RB1: variants seen among roughly 807,000 people sequenced by gnomAD.
RB1 encodes the protein retinoblastoma-associated protein.
A neutral mutation model predicts 135.4 loss-of-function variants in RB1; 18 were observed. That is an observed-to-expected ratio of 0.13 (90% CI 0.09 to 0.20). The LOEUF (loss-of-function observed/expected upper bound fraction) is 0.20. RB1 is among the 10% of genes least tolerant of loss of function. The pLI is 1.00. For synonymous variants in RB1, 365 were observed against 373.2 expected (o/e 0.98, Z 0.25); for missense variants, 868 against 1,110.0 (o/e 0.78, Z 3.10).
Position 48,303,883 on chromosome 13 carries a change from G to C in RB1, c.-30G>C, listed in dbSNP as rs985825511. ...TCGTCCTCCCCGGCGCTCCTCCACA[G>C]CTCGCTGGCTCCCGCCGCGGAAAGG... On this transcript the variant is annotated 5_prime_UTR_variant, in exon 1 of 27. Transcript: ENST00000267163. 2 of 1,513,622 alleles carry C rather than the reference G, an allele frequency of 1.3e-6. No homozygotes were observed. Among genetic ancestry groups the C allele is most frequent in the African/African-American group, 2.9e-5 (2 of 69,568 alleles). The allele number at this position is 1,513,622 out of a possible 1,614,324, so 93.8% of individuals were successfully genotyped here.
In RB1 at chr13:48,465,219, A is replaced by T. The variant is rs1949432209; in HGVS notation, c.2340A>T (p.Ser780=). 6.2e-7 allele frequency: 1 copy of T among 1,614,030 alleles called. No individual in the cohort carries two copies. The highest frequency in any genetic ancestry group is 8.5e-7 in the Non-Finnish European group (1 of 1,179,950). Residue 780 remains serine, a synonymous_variant, in exon 23 of 27, where the codon TCA becomes TCT. Coordinates refer to ENST00000267163, the MANE Select transcript of RB1 (RefSeq NM_000321.3). ...QYASTRPPTL[S]PIPHIPRSPY... Reference sequence around the variant, plus strand: ...TTTTGCTCTAGCCCCCTACCTTGTCACCAATACCTCACATTCCTCGAAGCC... The same window carrying T: ...TTTTGCTCTAGCCCCCTACCTTGTCTCCAATACCTCACATTCCTCGAAGCC...
intron 18 of RB1, among the ~76,000 whole-genome samples, chr13:48,453,979 G>A (rs1949344960): frequency 6.6e-6 from 1 of 152,108 alleles, no homozygotes; most frequent in Non-Finnish European, 1.5e-5. Context: ...TTTCCTTTTG[G>A]CATAGTGAAT....
chr13:48,328,262 A>G (rs1041427218), intron 2 of RB1: 17 of 1,549,364 alleles, frequency 1.1e-5, no homozygotes, highest in African/African-American at 5.4e-5. Flanking sequence ...CTGATTCACT[A>G]TCTTCATCTT....
chr13:48,342,397 T>C (rs1166149215), intron 2 of RB1, among the ~76,000 whole-genome samples: 1 of 151,974 alleles, frequency 6.6e-6, no homozygotes, highest in Admixed American at 6.5e-5. Flanking sequence ...CCTTATAATA[T>C]AAAATTTGAA....
At chr13:48,310,802 C>T (rs138510797) in intron 2 of RB1, among the ~76,000 whole-genome samples, 1 of 152,116 alleles carries the variant, frequency 6.6e-6, no homozygotes, top group African/African-American at 2.4e-5. Flanking sequence ...ATATTAATCC[C>T]TTTAAAGGAA....
chr13:48,390,603 C>G lies in RB1; in HGVS notation c.1695+9160C>G, dbSNP rs537002308. Among the ~76,000 whole-genome samples the G allele has an allele frequency of 2.4e-4, 36 of 152,258 alleles. 3 individuals are homozygous for G. In the South Asian group the frequency reaches 6.6e-3, roughly 28 times the overall value. The stretch of plus-strand genomic sequence containing the variant: ...GGCTCACTTAAAAAAAAACTAATCT[C>G]TCTCTCAATACCTAATCTAATGTCT... On this transcript the variant is annotated intron_variant, in intron 17 of 26. Transcript: ENST00000267163.
intron 2 of RB1, among the ~76,000 whole-genome samples, chr13:48,338,942 A>G (rs988322854): frequency 1.3e-5 from 2 of 152,218 alleles, no homozygotes; most frequent in African/African-American, 2.4e-5. Context: ...GGTTGACTCC[A>G]GACCCTGTTT....
Position 48,303,788 on chromosome 13 carries a change from A to G in RB1, c.-125A>G. 8 of 1,390,418 alleles carry G rather than the reference A, an allele frequency of 5.8e-6. No homozygotes were observed. The highest frequency in any genetic ancestry group is 2.7e-5 in the Admixed American group (1 of 37,580). 86.1% of individuals were successfully genotyped at this position (1,390,418 alleles called of 1,614,324 possible). A position where few individuals can be genotyped will look rare whatever the true frequency, so the allele number is the denominator to read the frequency against. ...GGGGAGGGCGCGTCCGGTTTTTCTC[A>G]GGGGACGTTGAAATTATTTTTGTAA... is the stretch of plus-strand genomic sequence containing the variant. On this transcript the variant is annotated 5_prime_UTR_variant, in exon 1 of 27. Transcript: ENST00000267163.
At chr13:48,406,345 A>G (rs1018255207) in intron 17 of RB1, among the ~76,000 whole-genome samples, 1 of 152,220 alleles carries the variant, frequency 6.6e-6, no homozygotes, top group Admixed American at 6.5e-5. Context: ...TGACATTAAA[A>G]TATTCTTCTC....
At chr13:48,444,948 A>G (rs1949273778) in intron 17 of RB1, 1 of 151,938 alleles carries the variant, frequency 6.6e-6, no homozygotes, top group Non-Finnish European at 1.5e-5. Flanking sequence ...AGTTTTGCAT[A>G]ATATGAAGTT....
rs1317825599 is a variant in RB1 at position 48,379,574 on chromosome 13, TTC to T, written c.1333-18_1333-17del. 6.2e-7 allele frequency: 1 copy of T among 1,609,588 alleles called. No individual in the cohort carries two copies. Among genetic ancestry groups the T allele is most frequent in the East Asian group, 2.2e-5 (1 of 44,708 alleles). On this transcript the variant is annotated intron_variant, in intron 13 of 26. Coordinates refer to ENST00000267163, the MANE Select transcript of RB1 (RefSeq NM_000321.3). ...TTTCTAAAATAGCAGGCTCTTATTT[TTC>T]TTTTTGTTTGTTTGTAGCGATACAA...
rs146017569 is a variant in RB1, at chr13:48,411,539, C to A, written c.1695+30096C>A. On this transcript the variant is annotated intron_variant, in intron 17 of 26. Transcript: ENST00000267163. ...TTTTTATTGAATTCTGAATTGTGTC[C>A]GATGTAAAGTAGTAAACTATAGGGT... 2.2e-5 allele frequency: 36 copies of A among 1,613,110 alleles called. No homozygotes were observed. In the African/African-American group the frequency reaches 4.5e-4, roughly 20 times the overall value.
intron 7 of RB1, among the ~76,000 whole-genome samples, chr13:48,361,081 GAAAT>G (rs1206528823): frequency 2.6e-5 from 4 of 151,864 alleles, no homozygotes; most frequent in East Asian, 1.9e-4. Context: ...TGCAAAGAAA[GAAAT>G]AAAAAAAATT....
intron 17 of RB1, among the ~76,000 whole-genome samples, chr13:48,446,333 A>T (rs369474715): frequency 6.6e-6 from 1 of 152,004 alleles, no homozygotes; most frequent in Admixed American, 6.6e-5. Context: ...CTTAATATCA[A>T]CCTTCTCACT....
At chr13:48,341,180 A>G (rs1465230293) in intron 2 of RB1, 1 of 152,088 alleles carries the variant, frequency 6.6e-6, no homozygotes, top group Non-Finnish European at 1.5e-5. Flanking sequence ...GAATTATTCA[A>G]TGCATCCTTT....
At chr13:48,436,149 A>G (rs182911127) in intron 17 of RB1, among the ~76,000 whole-genome samples, 162 of 152,348 alleles carry the variant, frequency 1.1e-3, no homozygotes, top group African/African-American at 3.8e-3. Flanking sequence ...ACAATTAACC[A>G]AAGTAGGTAT....
At chr13:48,379,144 G>A (rs371306890) in intron 13 of RB1, among the ~76,000 whole-genome samples, 1 of 152,016 alleles carries the variant, frequency 6.6e-6, no homozygotes, top group Admixed American at 6.6e-5. Flanking sequence ...TGTTATATAA[G>A]GTACATAAAG....
chr13:48,304,393 A>G (rs1282027886), intron 1 of RB1, among the ~76,000 whole-genome samples: 1 of 151,848 alleles, frequency 6.6e-6, no homozygotes, highest in South Asian at 2.1e-4. Context: ...AAATACAAAA[A>G]TGGTGTCTGT....
At chr13:48,388,859 G>C (rs1948591267) in intron 17 of RB1, among the ~76,000 whole-genome samples, 2 of 152,004 alleles carry the variant, frequency 1.3e-5, no homozygotes, top group Non-Finnish European at 2.9e-5. Flanking sequence ...ATCAGGAGAA[G>C]TGGTATCATA....
Sources: gnomAD v4.1 joint callset for allele counts (sites outside exome capture counted in the v4.1 genomes callset) on GRCh38, gnomAD v4.1.1 for gene constraint, MANE v1.5 for transcripts, NCBI Gene and HGNC (gene_info 2026-07-23, HGNC 2026-07-21) for gene names.